The following GUSB variants were observed in gnomAD, a reference collection of about 807,000 sequenced individuals.
GUSB encodes the protein glucuronidase beta.
GUSB carries 51 observed loss-of-function variants against 74.6 expected under a neutral mutation model. The ratio of observed to expected loss-of-function variants is 0.68; its 90% CI spans 0.55 to 0.86. The LOEUF is 0.86. Among genes scored for constraint, GUSB ranks in the 40% least tolerant of loss-of-function variants. GUSB has a pLI of 0.00. For missense variants in GUSB, 736 were observed against 853.7 expected (o/e 0.86, Z 1.72); for synonymous variants, 360 against 348.3 (o/e 1.03, Z -0.37).
intron 3 of GUSB, 34 bp downstream of exon 3, chr7:65,979,693 T>A: frequency 6.2e-7 from 1 of 1,604,764 alleles, no homozygotes; most frequent in Non-Finnish European, 8.5e-7. Flanking sequence ...GGCGGGAAGG[T>A]GGGTGTGTGC....
chr7:65,964,193 C>A, intron 11 of GUSB, 130 bp downstream of exon 11: 1 of 901,740 alleles, frequency 1.1e-6, no homozygotes, highest in Non-Finnish European at 1.9e-6. Flanking sequence ...CTCAACGCAA[C>A]CTACATGGAT....
At position 65,964,469 on chromosome 7, in the gene GUSB, A is replaced by G. The variant is rs1790700977; in HGVS notation, c.1654-11T>C. The stretch of plus-strand genomic sequence containing the variant: ...CATCAGAGGTGGATCCTAGGATTCA[A>G]GGCAAAGAGAATGTAAGAGTCAGAA... On this transcript the variant is annotated splice_polypyrimidine_tract_variant and intron_variant, in intron 10 of 11. Transcript: ENST00000304895. 6 of 1,609,954 alleles carry G rather than the reference A, an allele frequency of 3.7e-6. No homozygotes were observed. Among genetic ancestry groups the G allele is most frequent in the Non-Finnish European group, 5.1e-6 (6 of 1,178,096 alleles).
Position 65,979,545 on chromosome 7 carries a change from G to C in GUSB, c.582-4C>G, listed in dbSNP as rs773873825. 1 of 1,614,124 alleles carries C rather than the reference G, an allele frequency of 6.2e-7. No homozygotes were observed. The highest frequency in any genetic ancestry group is 8.5e-7 in the Non-Finnish European group (1 of 1,179,990). ...GACAAAGTAACCCTTGGGATACCTA[G>C]GATGGGAGGACTGTGGTTTGCTGGG... On this transcript the variant is annotated splice_region_variant and splice_polypyrimidine_tract_variant and intron_variant, in intron 3 of 11. Coordinates refer to ENST00000304895, the MANE Select transcript of GUSB (RefSeq NM_000181.4).
At chr7:65,981,927 C>T in intron 1 of GUSB, 47 bp downstream of exon 1, 1 of 1,528,798 alleles carries the variant, frequency 6.5e-7, no homozygotes, top group Non-Finnish European at 8.9e-7. Flanking sequence ...CCCCTACTCC[C>T]ACCGCCGGGC....
chr7:65,982,155 G>T lies in GUSB; in HGVS notation c.29C>A (p.Ala10Glu), dbSNP rs1419686380. 3.9e-6 allele frequency: 6 copies of T among 1,525,154 alleles called. No homozygotes were observed. In the African/African-American group the frequency reaches 5.7e-5, roughly 14 times the overall value. The allele number at this position is 1,525,154 out of a possible 1,614,324, so 94.5% of individuals were successfully genotyped here. A position where few individuals can be genotyped will look rare whatever the true frequency, so the allele number is the denominator to read the frequency against. MARGSAVAWAALGPLLWGCA... is the reference protein window; with the variant it reads MARGSAVAWEALGPLLWGCA... ...GCCCCACAACAACGGCCCGAGCGCC[G>T]CCCAGGCAACCGCCGACCCCCGGGC... The change falls in exon 1 of 12, where the codon GCG becomes GAG. Residue 10 changes from alanine (A) to glutamate (E), a missense_variant. This residue lies in a region of GUSB where 368 missense variants were observed against 363.8 expected (regional missense o/e 1.01). Transcript: ENST00000304895.
At position 65,967,816 on chromosome 7, in the gene GUSB, G is replaced by A. The variant is rs1790933965; in HGVS notation, c.1568C>T (p.Thr523Ile). 2 of 1,610,472 alleles carry A rather than the reference G, an allele frequency of 1.2e-6. No homozygotes were observed. Among genetic ancestry groups the A allele is most frequent in the East Asian group, 4.5e-5 (2 of 44,876 alleles). The change falls in exon 10 of 12, where the codon ACC becomes ATC. Residue 523 changes from threonine (T) to isoleucine (I), a missense_variant. Thr to Ile is a moderately conservative substitution (Grantham distance 89, BLOSUM62 -1). Coordinates refer to ENST00000304895, the MANE Select transcript of GUSB (RefSeq NM_000181.4). ...CTTCTTATACCAGTTCTCAAACTGG[G>A]TGGCCAGCTGCAGCTGAATCAACTC... ...HLELIQLQLA[T>I]QFENWYKKYQ...
At chr7:65,970,246 G>A (rs1416206758) in intron 9 of GUSB, 36 bp downstream of exon 9, 2 of 1,299,936 alleles carry the variant, frequency 1.5e-6, no homozygotes, top group African/African-American at 2.9e-5. Flanking sequence ...CCCAGGCAAA[G>A]GCAGGGAGAA....
chr7:65,980,185 G>GGGGGGGGGCCCCCCCC, intron 2 of GUSB, 39 bp downstream of exon 2: 2 of 725,274 alleles, frequency 2.8e-6, no homozygotes, highest in Non-Finnish European at 4.9e-6. Flanking sequence ...CAGCAGCCGT[G>GGGGGGGGGCCCCCCCC]CCCCCCCACC....
At chr7:65,967,489 C>A (rs1187731470) in intron 10 of GUSB, among the ~76,000 whole-genome samples, 3 of 152,162 alleles carry the variant, frequency 2.0e-5, no homozygotes, top group Non-Finnish European at 4.4e-5. Flanking sequence ...AGAAAGACCA[C>A]TTGGGCACGG....
At chr7:65,979,579 C>G in intron 3 of GUSB, 38 bp from the exon 4 acceptor site, 2 of 1,613,256 alleles carry the variant, frequency 1.2e-6, no homozygotes, top group Non-Finnish European at 1.7e-6. Flanking sequence ...GGCCCTTGCT[C>G]TGGGTCCCCT....
intron 8 of GUSB, among the ~76,000 whole-genome samples, chr7:65,973,650 G>A (rs1273596145): frequency 6.6e-6 from 1 of 152,006 alleles, no homozygotes; most frequent in Admixed American, 6.6e-5. Flanking sequence ...CCAGCTACTC[G>A]GGAGGCTGAG....
chr7:65,974,469 G>T, intron 7 of GUSB, 28 bp from the exon 8 acceptor site: 4 of 1,614,152 alleles, frequency 2.5e-6, no homozygotes, highest in Non-Finnish European at 3.4e-6. Flanking sequence ...AGGGACAGAG[G>T]GTCACGGTGA....
chr7:65,979,315 CT>C (rs1239457603), intron 4 of GUSB, 83 bp downstream of exon 4: 14 of 1,371,870 alleles, frequency 1.0e-5, no homozygotes, highest in African/African-American at 1.4e-5. Context: ...CTGGGAGCAC[CT>C]TTTTCCTGGG....
intron 8 of GUSB, among the ~76,000 whole-genome samples, chr7:65,972,845 T>C (rs1791304456): frequency 6.6e-6 from 1 of 152,196 alleles, no homozygotes; most frequent in Non-Finnish European, 1.5e-5. Context: ...CCCCAAGCTC[T>C]GAATTGTCCT....
At position 65,967,097 on chromosome 7, in the gene GUSB, T is replaced by G. The variant is rs540258569; in HGVS notation, c.1653+634A>C. Among the ~76,000 whole-genome samples the G allele has an allele frequency of 3.9e-5, 6 of 152,134 alleles. No individual in the cohort carries two copies. The South Asian group carries it at 1.2e-3, about 32-fold the overall frequency. ...AAACCCAGGAGAGAGCAGAGGACAC[T>G]GAGTGTCCTGACCAGAGGTTAGGGC... On this transcript the variant is annotated intron_variant, in intron 10 of 11. Transcript: ENST00000304895.
chr7:65,962,935 T>C (rs938290286), intron 11 of GUSB, among the ~76,000 whole-genome samples: 1 of 151,896 alleles, frequency 6.6e-6, no homozygotes, highest in East Asian at 1.9e-4. Context: ...CTTAGCTCAT[T>C]GCAACCTCCA....
rs554682109 is a variant in GUSB, at chr7:65,967,595, C to G, written c.1653+136G>C. 11 of 767,326 alleles carry G rather than the reference C, an allele frequency of 1.4e-5. No homozygotes were observed. In the African/African-American group the frequency reaches 1.9e-4, roughly 13 times the overall value. The allele number at this position is 767,326 out of a possible 1,614,324, so 47.5% of individuals were successfully genotyped here. On this transcript the variant is annotated intron_variant, in intron 10 of 11. Coordinates refer to ENST00000304895, the MANE Select transcript of GUSB (RefSeq NM_000181.4). The stretch of plus-strand genomic sequence containing the variant: ...GGCCTGGCTGTTGGCGGTGAGGGAA[C>G]GTGGACGGGGCCGTGGGAGGAGAGC...
At position 65,976,159 on chromosome 7, in the gene GUSB, G is replaced by C. The variant is rs774882132; in HGVS notation, c.768C>G (p.Phe256Leu). The C allele has an allele frequency of 1.9e-6, 3 of 1,613,528 alleles. No homozygotes were observed. The highest frequency in any genetic ancestry group is 2.2e-5 in the South Asian group (2 of 91,054). Residue 256 changes from phenylalanine to leucine, a missense_variant, in exon 5 of 12, where the codon TTC becomes TTG. Transcript: ENST00000304895. The stretch of plus-strand genomic sequence containing the variant: ...CATCCAAAAGACGCACTTCCAACTT[G>C]AACAGGTTACTGCCCTTGACAGAGA... ...YQISVKGSNL[F>L]KLEVRLLDAE...
At position 65,982,157 on chromosome 7, in the gene GUSB, C is replaced by A; in HGVS notation, c.27G>T (p.Trp9Cys). The A allele has an allele frequency of 6.6e-7, 1 of 1,525,670 alleles. No individual in the cohort carries two copies. 94.5% of individuals were successfully genotyped at this position (1,525,670 alleles called of 1,614,324 possible). Residue 9 changes from tryptophan (W) to cysteine (C), a missense_variant, in exon 1 of 12, where the codon TGG becomes TGT. Physicochemically the swap from Trp to Cys is radical, Grantham distance 215 (BLOSUM62 -2). This residue lies in a region of GUSB where 368 missense variants were observed against 363.8 expected (regional missense o/e 1.01). Transcript: ENST00000304895. MARGSAVA[W>C]AALGPLLWGC... ...CCCACAACAACGGCCCGAGCGCCGC[C>A]CAGGCAACCGCCGACCCCCGGGCCA...
Sources: allele counts gnomAD v4.1 joint callset (sites outside exome capture counted in the v4.1 genomes callset), GRCh38; gene constraint gnomAD v4.1.1; regional missense constraint gnomAD v4.1.1; transcripts MANE v1.5; gene names NCBI Gene and HGNC (gene_info 2026-07-23, HGNC 2026-07-21).